Variants in RP1 observed in about 807,000 individuals in gnomAD.
RP1 encodes the protein oxygen-regulated protein 1.
Under a neutral mutation model 14.8 loss-of-function variants are expected in RP1, and 16 were observed. The ratio of observed to expected loss-of-function variants is 1.08; its 90% confidence interval spans 0.73 to 1.65. The LOEUF is 1.65. Among genes scored for constraint, RP1 ranks in the 40% most tolerant of loss-of-function variants. The pLI, the probability that RP1 is intolerant of heterozygous loss-of-function variation, is 0.00. For synonymous variants in RP1, 876 were observed against 883.6 expected (o/e 0.99, Z 0.15); for missense variants, 2,631 against 2,535.0 (o/e 1.04, Z -0.81).
rs187347040 is a variant in RP1, at chr8:54,702,312, C to A, written c.1998+650C>A. On this transcript the variant is annotated intron_variant, in intron 14 of 22. Transcript: ENST00000636932. ...TAAAGTCTACTTATATTTAAAACCTCAAAGATATTGTAGGTTCATTTCTAG... is the reference window on the plus strand; with the variant it reads ...TAAAGTCTACTTATATTTAAAACCTAAAAGATATTGTAGGTTCATTTCTAG... 4.5e-3 allele frequency among the ~76,000 whole-genome samples: 687 copies of A among 152,208 alleles called. 5 individuals are homozygous for A. The highest frequency in any genetic ancestry group is 0.016 in the African/African-American group (648 of 41,536).
intron 28 of RP1, among the ~76,000 whole-genome samples, chr8:54,869,615 T>C (rs2129331068): frequency 6.6e-6 from 1 of 152,324 alleles, no homozygotes; most frequent in African/African-American, 2.4e-5. Flanking sequence ...AAGCCAAAAT[T>C]TTAGAGTGAA....
At chr8:54,701,387 A>G (rs978634366) in intron 13 of RP1, 4 of 995,528 alleles carry the variant, frequency 4.0e-6, no homozygotes, top group Non-Finnish European at 5.3e-6. Flanking sequence ...CAAAGTTTCC[A>G]TAAAATGAAG....
intron 1 of RP1, among the ~76,000 whole-genome samples, chr8:54,584,928 A>C (rs978156082): frequency 1.3e-5 from 2 of 152,134 alleles, no homozygotes; most frequent in African/African-American, 2.4e-5. Flanking sequence ...GAATACAGCA[A>C]ACTGATGAGT....
chr8:54,805,748 C>T (rs1460539617), intron 24 of RP1, among the ~76,000 whole-genome samples: 1 of 151,152 alleles, frequency 6.6e-6, no homozygotes, highest in East Asian at 1.9e-4. Context: ...TCTGCAGGTG[C>T]CATGGAAGGC....
intron 16 of RP1, among the ~76,000 whole-genome samples, chr8:54,726,033 G>T (rs1808646392): frequency 6.6e-6 from 1 of 152,124 alleles, no homozygotes; most frequent in African/African-American, 2.4e-5. Flanking sequence ...GATTGTTAAA[G>T]AAGTTCCCAT....
At chr8:54,774,823 T>C (rs1346745668), downstream of RP1, among the ~76,000 whole-genome samples, 1 of 152,154 alleles carries the variant, frequency 6.6e-6, no homozygotes, top group Non-Finnish European at 1.5e-5. Flanking sequence ...ATCAAAAGCC[T>C]ACTCCTCAAT....
intron 25 of RP1, among the ~76,000 whole-genome samples, chr8:54,841,367 T>C (rs893977975): frequency 6.6e-6 from 1 of 152,244 alleles, no homozygotes. Context: ...GCCATGCTGG[T>C]AAAGTCCTAG....
chr8:54,808,067 A>G (rs1185285241), intron 24 of RP1, among the ~76,000 whole-genome samples: 1 of 152,204 alleles, frequency 6.6e-6, no homozygotes, highest in Admixed American at 6.5e-5. Context: ...AACCACATGC[A>G]ATAACCATCA....
At chr8:54,788,701 T>C (rs567152429) in intron 24 of RP1, among the ~76,000 whole-genome samples, 2 of 152,324 alleles carry the variant, frequency 1.3e-5, no homozygotes, top group African/African-American at 4.8e-5. Flanking sequence ...TAGATACTTA[T>C]TAAGAAAAGT....
chr8:54,655,241 C>T (rs1806731256), intron 5 of RP1, among the ~76,000 whole-genome samples: 1 of 152,086 alleles, frequency 6.6e-6, no homozygotes, highest in South Asian at 2.1e-4. Flanking sequence ...CTTACATTAC[C>T]CTTGCACACT....
intron 6 of RP1, among the ~76,000 whole-genome samples, chr8:54,661,376 G>A (rs1296304748): frequency 1.3e-5 from 2 of 150,460 alleles, no homozygotes; most frequent in Admixed American, 6.6e-5. Flanking sequence ...CTAGTCAGGA[G>A]CCTGAGGAGG....
intron 27 of RP1, among the ~76,000 whole-genome samples, chr8:54,859,500 T>C (rs1452061750): frequency 6.6e-6 from 1 of 150,876 alleles, no homozygotes; most frequent in African/African-American, 2.4e-5. Flanking sequence ...TATGGAGTGG[T>C]ATCAGTATAG....
At chr8:54,769,519 C>T (rs918461178) in intron 22 of RP1, among the ~76,000 whole-genome samples, 3 of 152,094 alleles carry the variant, frequency 2.0e-5, no homozygotes, top group Non-Finnish European at 2.9e-5. Context: ...GTATATATTT[C>T]GTTCTTCAAG....
At chr8:54,861,595 T>G (rs1378932164) in intron 27 of RP1, among the ~76,000 whole-genome samples, 2 of 152,208 alleles carry the variant, frequency 1.3e-5, no homozygotes, top group Non-Finnish European at 1.5e-5. Context: ...TAAACATTCT[T>G]TTTTTCTTTT....
chr8:54,833,929 C>T (rs1015534106), intron 24 of RP1, among the ~76,000 whole-genome samples: 6 of 151,234 alleles, frequency 4.0e-5, no homozygotes, highest in African/African-American at 1.2e-4. Flanking sequence ...CCAAAGAGAA[C>T]GAAGGAAACA....
intron 7 of RP1, among the ~76,000 whole-genome samples, chr8:54,669,688 T>A (rs1266846550): frequency 6.6e-6 from 1 of 152,144 alleles, no homozygotes; most frequent in East Asian, 1.9e-4. Flanking sequence ...CATGGAATAC[T>A]CTGCAGCCAT....
rs34753388 is a variant in RP1, at chr8:54,740,403, T to TAAAAAA, written c.2808+1397_2808+1402dup. ...ATTTTTAACAAGAAAGCTTAAAAAG[T>TAAAAAA]AAAAAAAAAAAAAAAAAAAAAAAAA... On this transcript the variant is annotated intron_variant, in intron 19 of 22. Transcript: ENST00000636932. Among the ~76,000 whole-genome samples the TAAAAAA allele has an allele frequency of 1.9e-3, 156 of 80,222 alleles. 1 individual carries two copies. Among genetic ancestry groups the TAAAAAA allele is most frequent in the African/African-American group, 6.3e-3 (137 of 21,802 alleles). 52.6% of individuals were successfully genotyped at this position (80,222 alleles called of 152,430 possible).
chr8:54,667,941 C>T lies in RP1; in HGVS notation c.1323+4091C>T, dbSNP rs146094626. On this transcript the variant is annotated intron_variant, in intron 7 of 22. Transcript: ENST00000636932. ...GGAGCTGGTACCATTCCTTCTGAAA[C>T]TATTCCAATCAATAGAAAAAGAGGT... Among the ~76,000 whole-genome samples the T allele has an allele frequency of 0.015, 2,330 of 152,222 alleles. 138 individuals are homozygous for T. The East Asian group carries it at 0.18, about 12-fold the overall frequency.
intron 15 of RP1, among the ~76,000 whole-genome samples, chr8:54,718,921 A>G (rs758017231): frequency 6.6e-6 from 1 of 152,212 alleles, no homozygotes; most frequent in Non-Finnish European, 1.5e-5. Flanking sequence ...TAACAGATAC[A>G]AGACATTATA....
Sources: gnomAD v4.1 joint callset for allele counts (sites outside exome capture counted in the v4.1 genomes callset) on GRCh38, gnomAD v4.1.1 for gene constraint, MANE v1.5 for transcripts, NCBI Gene and HGNC (gene_info 2026-07-23, HGNC 2026-07-21) for gene names.